Variants in NAA40 observed in about 807,000 individuals in gnomAD.
NAA40 encodes the protein N-alpha-acetyltransferase 40.
Under a neutral mutation model 36.6 loss-of-function variants are expected in NAA40, and 26 were observed. The ratio of observed to expected loss-of-function variants is 0.71; its 90% CI spans 0.52 to 0.98. The LOEUF (loss-of-function observed/expected upper bound fraction) is 0.98. Among genes scored for constraint, NAA40 ranks in the 50% least tolerant of loss-of-function variants. The pLI is 0.00. For missense variants in NAA40, 237 were observed against 306.5 expected, an observed-to-expected ratio of 0.77 and a Z score of 1.69; for synonymous variants, 129 against 108.4, an observed-to-expected ratio of 1.19 and a Z score of -1.18.
chr11:63,950,800 A>G (rs1283218444), intron 3 of NAA40, among the ~76,000 whole-genome samples: 1 of 152,176 alleles, frequency 6.6e-6, no homozygotes, highest in East Asian at 1.9e-4. Flanking sequence ...ATTGACTTCC[A>G]GAAATGTGGA....
At chr11:63,944,758 C>T (rs954516452) in intron 1 of NAA40, among the ~76,000 whole-genome samples, 3 of 152,064 alleles carry the variant, frequency 2.0e-5, no homozygotes, top group Non-Finnish European at 2.9e-5. Context: ...CAAAAATCAG[C>T]TGGACATGGT....
intron 1 of NAA40, among the ~76,000 whole-genome samples, chr11:63,944,523 A>C (rs116430697): frequency 9.9e-5 from 15 of 152,080 alleles, no homozygotes; most frequent in Admixed American, 9.8e-4. Context: ...ATTAACCCTC[A>C]TAAGGACCCT....
rs1402024409 is a variant in NAA40, at chr11:63,956,238, T to C, written c.*1759T>C. 6.6e-6 allele frequency: 1 copy of C among 152,564 alleles called. No individual in the cohort carries two copies. Among genetic ancestry groups the C allele is most frequent in the Non-Finnish European group, 1.5e-5 (1 of 68,034 alleles). The allele number at this position is 152,564 out of a possible 1,614,324, so 9.5% of individuals were successfully genotyped here. A position where few individuals can be genotyped will look rare whatever the true frequency, so the allele number is the denominator to read the frequency against. Reference sequence around the variant, plus strand: ...CTGGTGGGTTTCATCCCAGGCAGAGTTGACATTGCTGGAGGGGTTTGGTGG... The same window carrying C: ...CTGGTGGGTTTCATCCCAGGCAGAGCTGACATTGCTGGAGGGGTTTGGTGG... On this transcript the variant is annotated 3_prime_UTR_variant, in exon 8 of 8. Transcript: ENST00000377793.
intron 1 of NAA40, among the ~76,000 whole-genome samples, chr11:63,943,065 T>C (rs1942132387): frequency 6.6e-6 from 1 of 152,128 alleles, no homozygotes; most frequent in African/African-American, 2.4e-5. Flanking sequence ...GCATGTAGGG[T>C]GGAGTAAGGG....
chr11:63,951,977 G>A (rs772932679), intron 3 of NAA40, among the ~76,000 whole-genome samples: 1 of 152,202 alleles, frequency 6.6e-6, no homozygotes, highest in Non-Finnish European at 1.5e-5. Context: ...ACAAAGTGCC[G>A]AGGCGGATTA....
intron 1 of NAA40, among the ~76,000 whole-genome samples, chr11:63,944,302 A>G (rs568547750): frequency 2.0e-5 from 3 of 152,212 alleles, no homozygotes; most frequent in East Asian, 1.9e-4. Flanking sequence ...GGAGTTGTCA[A>G]ACCTCTCCAG....
chr11:63,943,996 G>A (rs1317232657), intron 1 of NAA40, among the ~76,000 whole-genome samples: 5 of 152,140 alleles, frequency 3.3e-5, no homozygotes, highest in Non-Finnish European at 4.4e-5. Context: ...CTTCCTCTAG[G>A]GAGGTAAGAT....
At chr11:63,950,113 G>T (rs900076470) in intron 3 of NAA40, among the ~76,000 whole-genome samples, 5 of 103,998 alleles carry the variant, frequency 4.8e-5, no homozygotes, top group African/African-American at 2.4e-4. Context: ...CTGGTATGAG[G>T]TTTTTTTTGT....
Position 63,952,544 on chromosome 11 carries a change from G to A in NAA40, c.389G>A (p.Cys130Tyr), listed in dbSNP as rs754549037. 6 of 1,614,160 alleles carry A rather than the reference G, an allele frequency of 3.7e-6. No individual in the cohort carries two copies. The highest frequency in any genetic ancestry group is 1.3e-5 in the African/African-American group (1 of 75,030). ...TCTCACTTCCGGTTTGACGTGGAGTGTGGGGATGAAGTCCTGTACTGGTAG... is the reference window on the plus strand; with the variant it reads ...TCTCACTTCCGGTTTGACGTGGAGTATGGGGATGAAGTCCTGTACTGGTAG... Reference protein sequence around the residue: ...AFSHFRFDVECGDEVLYCYEV... With the variant: ...AFSHFRFDVEYGDEVLYCYEV... The change falls in exon 5 of 8, where the codon TGT becomes TAT. Residue 130 changes from cysteine to tyrosine, a missense_variant. Coordinates refer to ENST00000377793, the MANE Select transcript of NAA40 (RefSeq NM_024771.4).
At chr11:63,939,428 G>T in intron 1 of NAA40, 1 of 1,130,886 alleles carries the variant, frequency 8.8e-7, no homozygotes, top group Non-Finnish European at 1.1e-6. Flanking sequence ...CGCTCCCCCA[G>T]GGTCACTCAT....
intron 1 of NAA40, chr11:63,939,578 A>C: frequency 1.3e-6 from 1 of 750,496 alleles, no homozygotes; most frequent in Non-Finnish European, 1.6e-6. Context: ...GGCCTCCCGA[A>C]TCCCAGTCCA....
At position 63,939,109 on chromosome 11, in the gene NAA40, G is replaced by C; in HGVS notation, c.6+7G>C. On this transcript the variant is annotated splice_region_variant and intron_variant, in intron 1 of 7. Coordinates refer to ENST00000377793, the MANE Select transcript of NAA40 (RefSeq NM_024771.4). Reference sequence around the variant, plus strand: ...TGTCGCCGCCGCTATGGGGGTGAGTGAGGCAGAGAGAGGAGATGGGAGGTC... The same window carrying C: ...TGTCGCCGCCGCTATGGGGGTGAGTCAGGCAGAGAGAGGAGATGGGAGGTC... 1 of 1,604,736 alleles carries C rather than the reference G, an allele frequency of 6.2e-7. No individual in the cohort carries two copies. The highest frequency in any genetic ancestry group is 8.5e-7 in the Non-Finnish European group (1 of 1,175,760).
chr11:63,943,031 C>T (rs1177259484), intron 1 of NAA40, among the ~76,000 whole-genome samples: 1 of 152,196 alleles, frequency 6.6e-6, no homozygotes, highest in Non-Finnish European at 1.5e-5. Flanking sequence ...ACCTTTGATC[C>T]CTGAGCCCTG....
chr11:63,949,791 C>T (rs1274176692), intron 3 of NAA40, among the ~76,000 whole-genome samples: 1 of 135,666 alleles, frequency 7.4e-6, no homozygotes, highest in African/African-American at 2.7e-5. Context: ...GTCACCCAGG[C>T]TGGAGTGCAG....
chr11:63,939,236 C>A, intron 1 of NAA40, 134 bp downstream of exon 1: 2 of 1,262,354 alleles, frequency 1.6e-6, no homozygotes, highest in South Asian at 1.7e-5. Flanking sequence ...CCCCACATGA[C>A]CCGACTCCCC....
rs1378851761 is a variant in NAA40, at chr11:63,957,230, C to G, written c.*2751C>G. On this transcript the variant is annotated 3_prime_UTR_variant, in exon 8 of 8. Transcript: ENST00000377793. ...TATATATATTTTTTTTTTTCTTTAG[C>G]AGCTTGTTATCACTGGAATCAAAGG... The G allele has an allele frequency of 7.2e-6, 1 of 138,956 alleles. No individual in the cohort carries two copies. Among genetic ancestry groups the G allele is most frequent in the Non-Finnish European group, 1.5e-5 (1 of 66,204 alleles). The allele number at this position is 138,956 out of a possible 1,614,324, so 8.6% of individuals were successfully genotyped here. A position where few individuals can be genotyped will look rare whatever the true frequency, so the allele number is the denominator to read the frequency against.
Position 63,954,324 on chromosome 11 carries a change from T to C in NAA40, c.573-14T>C. The C allele has an allele frequency of 6.3e-7, 1 of 1,575,436 alleles. No homozygotes were observed. The highest frequency in any genetic ancestry group is 8.6e-7 in the Non-Finnish European group (1 of 1,160,408). On this transcript the variant is annotated splice_polypyrimidine_tract_variant and intron_variant, in intron 7 of 7. Coordinates refer to ENST00000377793, the MANE Select transcript of NAA40 (RefSeq NM_024771.4). Reference sequence around the variant, plus strand: ...CTGCCTGCCACCAACCCTTTTCTCCTGCCTGCCTTGCAGATTTGAAATTGA... The same window carrying C: ...CTGCCTGCCACCAACCCTTTTCTCCCGCCTGCCTTGCAGATTTGAAATTGA...
intron 6 of NAA40, 121 bp from the exon 7 acceptor site, chr11:63,953,843 TGGTCTCTA>T: frequency 1.3e-6 from 1 of 750,234 alleles, no homozygotes; most frequent in East Asian, 2.5e-5. Flanking sequence ...TTTTCCAGGC[TGGTCTCTA>T]ACTCCTGGGC....
rs1201990517 is a variant in NAA40, at chr11:63,956,961, A to C, written c.*2482A>C. On this transcript the variant is annotated 3_prime_UTR_variant, in exon 8 of 8. Transcript: ENST00000377793. ...GCACTCCAGCCTAGGCGACAGAGTG[A>C]GACTCCATCTCAAAAAAAAAAAAAA... 3 of 149,334 alleles carry C rather than the reference A, an allele frequency of 2.0e-5. No homozygotes were observed. The highest frequency in any genetic ancestry group is 4.4e-5 in the Non-Finnish European group (3 of 67,512). 9.3% of individuals were successfully genotyped at this position (149,334 alleles called of 1,614,324 possible). A position where few individuals can be genotyped will look rare whatever the true frequency, so the allele number is the denominator to read the frequency against.
Sources: gnomAD v4.1 joint callset for allele counts (sites outside exome capture counted in the v4.1 genomes callset) on GRCh38, gnomAD v4.1.1 for gene constraint, MANE v1.5 for transcripts, NCBI Gene and HGNC (gene_info 2026-07-23, HGNC 2026-07-21) for gene names.